BZW2: variants seen among roughly 807,000 people sequenced by gnomAD.
BZW2 encodes the protein basic leucine zipper and W2 domains 2, also known as eIF5-mimic protein 1.
BZW2 carries 23 observed loss-of-function variants against 53.2 expected under a neutral mutation model. The observed-to-expected ratio is 0.43, with a 90% CI of 0.31 to 0.61. The LOEUF (loss-of-function observed/expected upper bound fraction) is 0.61. BZW2 is among the 20% of genes least tolerant of loss of function. BZW2 has a pLI of 0.09. For synonymous variants in BZW2, 227 were observed against 186.4 expected, an observed-to-expected ratio of 1.22 and a Z score of -1.77; for missense variants, 409 against 503.1, an observed-to-expected ratio of 0.81 and a Z score of 1.79.
At chr7:16,692,054 G>T (rs1049736378) in intron 7 of BZW2, among the ~76,000 whole-genome samples, 4 of 152,186 alleles carry the variant, frequency 2.6e-5, no homozygotes, top group African/African-American at 9.6e-5. Flanking sequence ...TAGTGAGTCA[G>T]TTCCACTCTT....
intron 3 of BZW2, among the ~76,000 whole-genome samples, chr7:16,676,394 C>T (rs1204850625): frequency 2.0e-5 from 3 of 151,874 alleles, no homozygotes; most frequent in Non-Finnish European, 4.4e-5. Flanking sequence ...ACTAAAAATA[C>T]CAAATTAGCT....
At chr7:16,665,576 T>C in intron 2 of BZW2, 75 bp downstream of exon 2, 1 of 1,566,456 alleles carries the variant, frequency 6.4e-7, no homozygotes, top group Non-Finnish European at 8.7e-7. Flanking sequence ...ATCTGAATGA[T>C]CCCTGTTTCC....
At chr7:16,704,419 C>T (rs970063162) in intron 10 of BZW2, 128 bp from the exon 11 acceptor site, 76 of 1,027,070 alleles carry the variant, frequency 7.4e-5, no homozygotes, top group Non-Finnish European at 9.2e-5. Context: ...CTTGGTTCCT[C>T]TCTTCTGATA....
intron 1 of BZW2, among the ~76,000 whole-genome samples, chr7:16,647,917 C>T (rs17620110): frequency 0.095 from 14,434 of 152,224 alleles, 800 homozygotes; most frequent in Admixed American, 0.14. Context: ...CTGTTTGTCT[C>T]ACTGGGGTTG....
chr7:16,671,601 G>C (rs1302657421), intron 2 of BZW2, among the ~76,000 whole-genome samples: 1 of 152,076 alleles, frequency 6.6e-6, no homozygotes, highest in Non-Finnish European at 1.5e-5. Context: ...GGGTGTTTCA[G>C]TATATGTATG....
At chr7:16,683,331 A>T (rs1783011464) in intron 5 of BZW2, among the ~76,000 whole-genome samples, 1 of 152,254 alleles carries the variant, frequency 6.6e-6, no homozygotes, top group Non-Finnish European at 1.5e-5. Flanking sequence ...TCATTAGCTA[A>T]TAGCTATAGG....
intron 3 of BZW2, among the ~76,000 whole-genome samples, chr7:16,680,584 C>A (rs954466174): frequency 3.9e-5 from 6 of 152,070 alleles, no homozygotes; most frequent in Non-Finnish European, 8.8e-5. Context: ...GCAGGAGGAC[C>A]ACTTGAGCCC....
intron 10 of BZW2, among the ~76,000 whole-genome samples, chr7:16,701,295 A>G (rs1402769544): frequency 1.3e-5 from 2 of 152,190 alleles, no homozygotes; most frequent in Non-Finnish European, 2.9e-5. Context: ...GATAAGTCCC[A>G]TAGACTCAGC....
At chr7:16,652,087 C>T (rs1781995056) in intron 1 of BZW2, among the ~76,000 whole-genome samples, 1 of 152,160 alleles carries the variant, frequency 6.6e-6, no homozygotes, top group Non-Finnish European at 1.5e-5. Context: ...AGGGATCGTT[C>T]TGCTTTGATC....
intron 10 of BZW2, among the ~76,000 whole-genome samples, 161 bp from the exon 11 acceptor site, chr7:16,704,386 G>A (rs2128372256): frequency 1.3e-5 from 2 of 152,202 alleles, no homozygotes; most frequent in Middle Eastern, 3.4e-3. Flanking sequence ...TCAAAATATG[G>A]CACTATGCTA....
chr7:16,698,077 C>T lies in BZW2; in HGVS notation c.999C>T (p.Ser333=), dbSNP rs1166241943. The T allele has an allele frequency of 1.2e-6, 2 of 1,614,168 alleles. No homozygotes were observed. The highest frequency in any genetic ancestry group is 2.2e-5 in the South Asian group (2 of 91,082). Residue 333 remains serine, a synonymous_variant, in exon 10 of 12, where the codon AGC becomes AGT. Transcript: ENST00000258761. ...KQYAPLLAVF[S]SQGQSELILL... ...ATGCTCCCCTGCTGGCCGTGTTCAG[C>T]TCCCAAGGCCAGTCAGAGCTGATCC...
chr7:16,662,931 T>C (rs1272588492), intron 1 of BZW2, among the ~76,000 whole-genome samples: 1 of 152,228 alleles, frequency 6.6e-6, no homozygotes. Flanking sequence ...TCTTGACACA[T>C]ATTTTTCTTT....
chr7:16,657,236 A>G (rs1404352530), intron 1 of BZW2, among the ~76,000 whole-genome samples: 1 of 152,216 alleles, frequency 6.6e-6, no homozygotes, highest in East Asian at 1.9e-4. Flanking sequence ...AAGTATAGGT[A>G]AGAAGAATAA....
rs117192978 is a variant in BZW2, at chr7:16,660,260, A to G, written c.-7-5177A>G. 0.018 allele frequency among the ~76,000 whole-genome samples: 2,681 copies of G among 152,108 alleles called. 188 individuals carry two copies. In the East Asian group the frequency reaches 0.23, roughly 13 times the overall value. ...AAACCCTGTCTCTATCAAAATATAT[A>G]AAAAATTAGCCGGGCCTGGTAGTGT... On this transcript the variant is annotated intron_variant, in intron 1 of 11. Transcript: ENST00000258761.
At chr7:16,660,496 T>C (rs935758925) in intron 1 of BZW2, among the ~76,000 whole-genome samples, 8 of 152,030 alleles carry the variant, frequency 5.3e-5, no homozygotes, top group African/African-American at 1.7e-4. Flanking sequence ...TTTTCTTTTT[T>C]CCTCACTCTA....
At position 16,681,293 on chromosome 7, in the gene BZW2, CT is replaced by C; in HGVS notation, c.236-3del. The C allele has an allele frequency of 6.2e-7, 1 of 1,609,998 alleles. No homozygotes were observed. The highest frequency in any genetic ancestry group is 8.5e-7 in the Non-Finnish European group (1 of 1,176,760). On this transcript the variant is annotated splice_region_variant and splice_polypyrimidine_tract_variant and intron_variant, in intron 3 of 11. Transcript: ENST00000258761. ...TTATCCTAATTACAATTACCTTTCT[CT>C]TTTTAGCCCCTGGAGGAACGCGCAT...
At chr7:16,654,704 G>GTTT (rs34037406) in intron 1 of BZW2, among the ~76,000 whole-genome samples, 1 of 141,324 alleles carries the variant, frequency 7.1e-6, no homozygotes, top group East Asian at 2.1e-4. Flanking sequence ...CTGGCTAATT[G>GTTT]TTTTTTTTTT....
intron 2 of BZW2, among the ~76,000 whole-genome samples, chr7:16,674,072 A>G (rs995698308): frequency 4.6e-5 from 7 of 151,914 alleles, no homozygotes; most frequent in Admixed American, 3.9e-4. Context: ...CTAATTTTTT[A>G]TATTTTTAAT....
chr7:16,646,629 G>A (rs916696492), intron 1 of BZW2, among the ~76,000 whole-genome samples: 2 of 152,230 alleles, frequency 1.3e-5, no homozygotes, highest in Non-Finnish European at 2.9e-5. Flanking sequence ...TCCCGGGGAG[G>A]CTGGGGCCGG....
Sources: gnomAD v4.1 joint callset for allele counts (sites outside exome capture counted in the v4.1 genomes callset) on GRCh38, gnomAD v4.1.1 for gene constraint, MANE v1.5 for transcripts, NCBI Gene and HGNC (gene_info 2026-07-23, HGNC 2026-07-21) for gene names.